MCTP1: variants seen among roughly 807,000 people sequenced by gnomAD.
MCTP1 encodes multiple C2 and transmembrane domain containing 1.
Under a neutral mutation model 120.6 loss-of-function variants are expected in MCTP1, and 69 were observed. The ratio of observed to expected loss-of-function variants is 0.57; its 90% CI spans 0.47 to 0.70. The LOEUF is 0.70. MCTP1 is among the 30% of genes least tolerant of loss of function. MCTP1 has a pLI of 0.00. For synonymous variants in MCTP1, 529 were observed against 493.1 expected (o/e 1.07, Z -0.96); for missense variants, 1,203 against 1,248.8 (o/e 0.96, Z 0.55).
intron 17 of MCTP1, among the ~76,000 whole-genome samples, chr5:94,862,647 G>C (rs1169434564): frequency 6.6e-6 from 1 of 151,736 alleles, no homozygotes; most frequent in Non-Finnish European, 1.5e-5. Context: ...CTGAAACCCA[G>C]CTCATTTGTA....
Position 94,954,171 on chromosome 5 carries a change from T to TATATATGCATATATATAC in MCTP1, c.839-811_839-810insGTATATATATGCATATAT, listed in dbSNP as rs1561919013. 7.9e-4 allele frequency among the ~76,000 whole-genome samples: 30 copies of TATATATGCATATATATAC among 37,984 alleles called. 5 individuals carry two copies. Among genetic ancestry groups the TATATATGCATATATATAC allele is most frequent in the African/African-American group, 4.5e-3 (28 of 6,196 alleles). 24.9% of individuals were successfully genotyped at this position (37,984 alleles called of 152,430 possible). ...ACATATATATATGCATATATATACA[T>TATATATGCATATATATAC]ATATATATATGCATATATATATATA... On this transcript the variant is annotated intron_variant, in intron 2 of 22. Coordinates refer to ENST00000515393, the MANE Select transcript of MCTP1 (RefSeq NM_024717.7).
chr5:94,898,426 T>C (rs1019098713), intron 10 of MCTP1, among the ~76,000 whole-genome samples: 2 of 152,204 alleles, frequency 1.3e-5, no homozygotes, highest in East Asian at 1.9e-4. Context: ...GTTGCTGGCG[T>C]TGGCTGAGGA....
In MCTP1 at chr5:95,025,041, C is replaced by T. The variant is rs549382268; in HGVS notation, c.721-7557G>A. ...GCAATCTCTATCATAATTTCAATGA[C>T]GTTATTCACAGAAATAGAATAAATA... On this transcript the variant is annotated intron_variant, in intron 1 of 22. Coordinates refer to ENST00000515393, the MANE Select transcript of MCTP1 (RefSeq NM_024717.7). 1.1e-4 allele frequency among the ~76,000 whole-genome samples: 16 copies of T among 152,118 alleles called. 1 individual carries two copies. In the East Asian group the frequency reaches 1.2e-3, roughly 11 times the overall value.
Position 94,861,139 on chromosome 5 carries a change from G to A in MCTP1, c.2436+7194C>T, listed in dbSNP as rs564042597. Among the ~76,000 whole-genome samples, 5 of 151,802 alleles carry A rather than the reference G, an allele frequency of 3.3e-5. No individual in the cohort carries two copies. In the South Asian group the frequency reaches 8.3e-4, roughly 25 times the overall value. ...CAGTGTTACCACTTGCTGAGTGTTGGACCTCTGTCATCACGGCAAAGTACA... is the reference window on the plus strand; with the variant it reads ...CAGTGTTACCACTTGCTGAGTGTTGAACCTCTGTCATCACGGCAAAGTACA... On this transcript the variant is annotated intron_variant, in intron 17 of 22. Coordinates refer to ENST00000515393, the MANE Select transcript of MCTP1 (RefSeq NM_024717.7).
chr5:95,150,349 A>C lies in MCTP1; in HGVS notation c.721-132865T>G, dbSNP rs115376375. Among the ~76,000 whole-genome samples the C allele has an allele frequency of 8.5e-3, 1,299 of 152,214 alleles. 23 individuals carry two copies. The highest frequency in any genetic ancestry group is 0.028 in the African/African-American group (1,178 of 41,516). ...TGGACTATAACTTTTGCTGTTATGG[A>C]GCCAAACCTCTAGCAGAACAAACCT... On this transcript the variant is annotated intron_variant, in intron 1 of 22. Coordinates refer to ENST00000515393, the MANE Select transcript of MCTP1 (RefSeq NM_024717.7).
At chr5:94,731,348 A>G (rs1273490721) in intron 19 of MCTP1, among the ~76,000 whole-genome samples, 4 of 152,106 alleles carry the variant, frequency 2.6e-5, no homozygotes, top group African/African-American at 9.7e-5. Flanking sequence ...TAGAATTCTT[A>G]TTTGCTTAAC....
chr5:95,082,353 G>C (rs1053623787), intron 1 of MCTP1, among the ~76,000 whole-genome samples: 5 of 152,102 alleles, frequency 3.3e-5, no homozygotes, highest in South Asian at 2.1e-4. Context: ...CCTTAACACT[G>C]AGCTGTATTA....
intron 1 of MCTP1, among the ~76,000 whole-genome samples, chr5:95,099,854 CAA>C (rs1316356944): frequency 6.7e-6 from 1 of 149,182 alleles, no homozygotes; most frequent in African/African-American, 2.5e-5. Flanking sequence ...TTCACAATAG[CAA>C]AGACTTGGAA....
At chr5:95,207,818 T>C (rs1185121553) in intron 1 of MCTP1, among the ~76,000 whole-genome samples, 2 of 150,908 alleles carry the variant, frequency 1.3e-5, no homozygotes, top group Non-Finnish European at 3.0e-5. Flanking sequence ...GTTTAAAAGA[T>C]GAAGGAGAGA....
chr5:95,133,086 G>T (rs1427908845), intron 1 of MCTP1, among the ~76,000 whole-genome samples: 3 of 152,100 alleles, frequency 2.0e-5, no homozygotes. Flanking sequence ...GAAGTCCTGA[G>T]GTGATTTAAG....
chr5:95,011,613 ACTCT>A (rs141947399), intron 2 of MCTP1, among the ~76,000 whole-genome samples: 2 of 149,986 alleles, frequency 1.3e-5, no homozygotes, highest in Non-Finnish European at 3.0e-5. Flanking sequence ...TTCCTCCCTC[ACTCT>A]CTCTCTCTCC....
intron 17 of MCTP1, among the ~76,000 whole-genome samples, chr5:94,849,835 A>C (rs1356552617): frequency 6.6e-6 from 1 of 152,006 alleles, no homozygotes; most frequent in Non-Finnish European, 1.5e-5. Flanking sequence ...AAACTGCTGC[A>C]AAAAAAAGAA....
intron 2 of MCTP1, among the ~76,000 whole-genome samples, chr5:94,968,011 AC>A (rs1825993739): frequency 6.6e-6 from 1 of 152,130 alleles, no homozygotes; most frequent in Non-Finnish European, 1.5e-5. Context: ...AACTTAGGGG[AC>A]TTTTAGTGAT....
chr5:94,974,304 T>C (rs73136090), intron 2 of MCTP1, among the ~76,000 whole-genome samples: 2,298 of 152,272 alleles, frequency 0.015, 63 homozygotes, highest in African/African-American at 0.052. Context: ...TCCAATGCTT[T>C]GGGAGGCCAC....
chr5:95,038,119 C>A lies in MCTP1; in HGVS notation c.721-20635G>T, dbSNP rs961494317. 13 of 984,966 alleles carry A rather than the reference C, an allele frequency of 1.3e-5. No homozygotes were observed. The Admixed American group carries it at 6.2e-4, about 47-fold the overall frequency. 61.0% of individuals were successfully genotyped at this position (984,966 alleles called of 1,614,324 possible). A position where few individuals can be genotyped will look rare whatever the true frequency, so the allele number is the denominator to read the frequency against. On this transcript the variant is annotated intron_variant, in intron 1 of 22. Coordinates refer to ENST00000515393, the MANE Select transcript of MCTP1 (RefSeq NM_024717.7). ...GAACAATCTCATGGTCACAGGTGCA[C>A]AGCTGTGGATGGAGTAGGATCTCAT...
intron 1 of MCTP1, among the ~76,000 whole-genome samples, chr5:95,150,372 C>T (rs944859744): frequency 6.6e-6 from 1 of 152,156 alleles, no homozygotes; most frequent in African/African-American, 2.4e-5. Context: ...GCAGAACAAA[C>T]CTCTTTCTAA....
chr5:95,249,771 T>C (rs1757198045), intron 1 of MCTP1, among the ~76,000 whole-genome samples: 1 of 152,130 alleles, frequency 6.6e-6, no homozygotes, highest in Non-Finnish European at 1.5e-5. Flanking sequence ...TGTCCATCAG[T>C]GATAGACTGG....
chr5:94,736,328 A>G (rs959965296), intron 19 of MCTP1, among the ~76,000 whole-genome samples: 1 of 152,096 alleles, frequency 6.6e-6, no homozygotes, highest in African/African-American at 2.4e-5. Context: ...GTCTGTATGA[A>G]AAAAAACTAG....
chr5:95,068,784 C>T (rs921851875), intron 1 of MCTP1: 51 of 1,273,894 alleles, frequency 4.0e-5, no homozygotes, highest in Middle Eastern at 2.1e-4. Context: ...TTGAAACTTA[C>T]GTTTACTGCA....
Sources: gnomAD v4.1 joint callset for allele counts (sites outside exome capture counted in the v4.1 genomes callset) on GRCh38, gnomAD v4.1.1 for gene constraint, MANE v1.5 for transcripts, NCBI Gene and HGNC (gene_info 2026-07-23, HGNC 2026-07-21) for gene names.